The following SCAF8 variants were observed in gnomAD, a reference collection of about 807,000 sequenced individuals.
SCAF8 encodes SR-related and CTD-associated factor 8.
Under a neutral mutation model 140.5 loss-of-function variants are expected in SCAF8, and 23 were observed. The observed-to-expected ratio is 0.16, with a 90% CI of 0.12 to 0.23. The LOEUF (loss-of-function observed/expected upper bound fraction) is 0.23. SCAF8 is among the 10% of genes least tolerant of loss of function. The probability of loss-of-function intolerance (pLI) is 1.00; values close to 1 mark genes in which losing one functional copy is unlikely to be tolerated. For synonymous variants in SCAF8, 575 were observed against 528.9 expected (o/e 1.09, Z -1.20); for missense variants, 1,397 against 1,555.7 (o/e 0.90, Z 1.72).
intron 1 of SCAF8, among the ~76,000 whole-genome samples, chr6:154,767,014 C>T (rs1326389367): frequency 6.6e-6 from 1 of 152,012 alleles, no homozygotes; most frequent in African/African-American, 2.4e-5. Flanking sequence ...TACTTTGATG[C>T]CTTCATTGTT....
intron 2 of SCAF8, 60 bp downstream of exon 2, chr6:154,774,132 TG>T (rs1480636835): frequency 4.9e-5 from 53 of 1,078,166 alleles, no homozygotes; most frequent in Non-Finnish European, 7.2e-5. Context: ...ATAGTTTGGA[TG>T]GGGGATAATT....
chr6:154,733,591 G>A lies in SCAF8; in HGVS notation c.-310G>A, dbSNP rs1778318888. The stretch of plus-strand genomic sequence containing the variant: ...AGAGGGAGGGGGACCGAAACGGAGC[G>A]GGGCAGAGAAGAGAAGGCGCCGCGG... On this transcript the variant is annotated 5_prime_UTR_variant, in exon 1 of 20. Transcript: ENST00000367178. 1.6e-6 allele frequency: 2 copies of A among 1,282,894 alleles called. No individual in the cohort carries two copies. Among genetic ancestry groups the A allele is most frequent in the Non-Finnish European group, 2.0e-6 (2 of 1,017,912 alleles). 79.5% of individuals were successfully genotyped at this position (1,282,894 alleles called of 1,614,324 possible). A position where few individuals can be genotyped will look rare whatever the true frequency, so the allele number is the denominator to read the frequency against.
At chr6:154,815,306 A>C (rs1778215546) in intron 12 of SCAF8, among the ~76,000 whole-genome samples, 1 of 152,208 alleles carries the variant, frequency 6.6e-6, no homozygotes, top group Admixed American at 6.5e-5. Context: ...CAAAAAAATA[A>C]ATAAATAAAT....
At chr6:154,756,415 G>A (rs1346052197) in intron 1 of SCAF8, among the ~76,000 whole-genome samples, 4 of 152,198 alleles carry the variant, frequency 2.6e-5, no homozygotes, top group Non-Finnish European at 4.4e-5. Context: ...TAGATTGTTA[G>A]ATAAATGGAG....
At chr6:154,828,618 G>A (rs1327743889) in intron 18 of SCAF8, among the ~76,000 whole-genome samples, 1 of 151,892 alleles carries the variant, frequency 6.6e-6, no homozygotes, top group Non-Finnish European at 1.5e-5. Context: ...TAGCTTTTTG[G>A]CCCAGTATAT....
intron 17 of SCAF8, among the ~76,000 whole-genome samples, 158 bp downstream of exon 17, chr6:154,824,536 C>G (rs1164092319): frequency 6.6e-6 from 1 of 152,188 alleles, no homozygotes; most frequent in African/African-American, 2.4e-5. Context: ...ACTGTTTTTG[C>G]TTTACTCAGT....
intron 1 of SCAF8, among the ~76,000 whole-genome samples, chr6:154,757,110 A>G (rs907519561): frequency 4.5e-4 from 69 of 152,182 alleles, no homozygotes; most frequent in African/African-American, 1.6e-3. Context: ...TCTGGGTTCA[A>G]GCAATCCTCC....
At chr6:154,812,174 G>A (rs1778111067) in intron 12 of SCAF8, among the ~76,000 whole-genome samples, 1 of 120,214 alleles carries the variant, frequency 8.3e-6, no homozygotes, top group Non-Finnish European at 1.6e-5. Flanking sequence ...TGAAGATACT[G>A]CCTTTTTTTT....
intron 1 of SCAF8, among the ~76,000 whole-genome samples, chr6:154,765,047 G>T (rs1022846436): frequency 1.3e-5 from 2 of 152,152 alleles, no homozygotes; most frequent in African/African-American, 4.8e-5. Context: ...TCTTGTAGAT[G>T]TAAGTACATT....
intron 16 of SCAF8, among the ~76,000 whole-genome samples, chr6:154,822,969 C>A (rs536977895): frequency 1.3e-5 from 2 of 152,214 alleles, no homozygotes; most frequent in South Asian, 4.1e-4. Flanking sequence ...TAAGGCTGAT[C>A]TATTTTAAAC....
At chr6:154,793,378 CTT>C (rs1317945907) in intron 5 of SCAF8, among the ~76,000 whole-genome samples, 5 of 151,518 alleles carry the variant, frequency 3.3e-5, no homozygotes, top group African/African-American at 1.2e-4. Context: ...ATCGTGTTCT[CTT>C]GAGGCATTTA....
intron 16 of SCAF8, 135 bp from the exon 17 acceptor site, chr6:154,824,099 C>G: frequency 1.2e-6 from 1 of 807,622 alleles, no homozygotes; most frequent in Admixed American, 2.5e-5. Flanking sequence ...TGCAAGTATA[C>G]AAAAAGGGGG....
intron 1 of SCAF8, among the ~76,000 whole-genome samples, chr6:154,744,890 T>G (rs1328779670): frequency 1.3e-5 from 2 of 152,222 alleles, no homozygotes; most frequent in Non-Finnish European, 2.9e-5. Flanking sequence ...ACACATAATT[T>G]CTTTTCTGAA....
intron 1 of SCAF8, among the ~76,000 whole-genome samples, chr6:154,746,921 G>A (rs1778713706): frequency 6.6e-6 from 1 of 152,092 alleles, no homozygotes; most frequent in Non-Finnish European, 1.5e-5. Context: ...ACTTTTCCTA[G>A]CTTCAACGTC....
chr6:154,764,225 A>G (rs1460889995), intron 1 of SCAF8, among the ~76,000 whole-genome samples: 3 of 152,144 alleles, frequency 2.0e-5, no homozygotes. Flanking sequence ...AAACATAAAG[A>G]ATGAATTAAT....
intron 4 of SCAF8, among the ~76,000 whole-genome samples, chr6:154,790,581 G>A (rs976202115): frequency 7.7e-6 from 1 of 130,588 alleles, no homozygotes; most frequent in African/African-American, 2.9e-5. Context: ...TGTAATCTCG[G>A]CTCACTGCAA....
intron 18 of SCAF8, among the ~76,000 whole-genome samples, chr6:154,828,122 A>G (rs1778623067): frequency 1.3e-5 from 2 of 152,212 alleles, no homozygotes; most frequent in African/African-American, 4.8e-5. Flanking sequence ...GGAACAGTAG[A>G]ACCTGGTCAT....
intron 17 of SCAF8, 104 bp from the exon 18 acceptor site, chr6:154,827,068 G>A: frequency 1.1e-6 from 1 of 900,232 alleles, no homozygotes; most frequent in Non-Finnish European, 1.7e-6. Context: ...TGAGGTTGTA[G>A]TCCATTTTAA....
chr6:154,766,849 T>C (rs1053126840), intron 1 of SCAF8, among the ~76,000 whole-genome samples: 4 of 152,078 alleles, frequency 2.6e-5, no homozygotes, highest in Non-Finnish European at 5.9e-5. Context: ...AGTGGTATAA[T>C]ACTTCCAGAC....
Sources: gnomAD v4.1 joint callset for allele counts (sites outside exome capture counted in the v4.1 genomes callset) on GRCh38, gnomAD v4.1.1 for gene constraint, MANE v1.5 for transcripts, NCBI Gene and HGNC (gene_info 2026-07-23, HGNC 2026-07-21) for gene names.